The following ALK variants were observed in gnomAD, a reference collection of about 807,000 sequenced individuals.
The protein encoded by ALK is ALK receptor tyrosine kinase, also known as ALK tyrosine kinase receptor.
ALK carries 74 observed loss-of-function variants against 163.1 expected under a neutral mutation model. The observed-to-expected ratio is 0.45, with a 90% confidence interval of 0.38 to 0.55. ALK has a LOEUF of 0.55. Among genes scored for constraint, ALK ranks in the 20% least tolerant of loss-of-function variants. ALK has a pLI of 0.00. For missense variants in ALK, 2,063 were observed against 2,105.3 expected, an observed-to-expected ratio of 0.98 and a Z score of 0.39; for synonymous variants, 960 against 843.2, an observed-to-expected ratio of 1.14 and a Z score of -2.40.
At chr2:29,734,736 TA>T in intron 1 of ALK, among the ~76,000 whole-genome samples, 1 of 151,900 alleles carries the variant, frequency 6.6e-6, no homozygotes, top group Non-Finnish European at 1.5e-5. Flanking sequence ...AGTAATCAAA[TA>T]AAAGAAAATT....
At chr2:29,406,522 G>A (rs1669588040) in intron 4 of ALK, among the ~76,000 whole-genome samples, 3 of 152,138 alleles carry the variant, frequency 2.0e-5, no homozygotes, top group African/African-American at 7.2e-5. Flanking sequence ...AATAGAAGCT[G>A]ACCGATTGCT....
At position 29,246,038 on chromosome 2, in the gene ALK, A is replaced by G. The variant is rs1160580823; in HGVS notation, c.2204+5067T>C. 1.3e-5 allele frequency among the ~76,000 whole-genome samples: 2 copies of G among 152,198 alleles called. No individual in the cohort carries two copies. The highest frequency in any genetic ancestry group is 4.8e-5 in the African/African-American group (2 of 41,434). ...TGGGACCTGGGGCCTCTTGTCCATT[A>G]TGTCTGAAGAGCAGGTGAGCTGTGG... On this transcript the variant is annotated intron_variant, in intron 12 of 28. Transcript: ENST00000389048. This position sits in a 1 kb window ranked among gnomAD's most constrained non-coding sequence, Gnocchi z 4.3.
In ALK at chr2:29,749,720, A is replaced by T. The variant is rs577940826; in HGVS notation, c.668-32023T>A. On this transcript the variant is annotated intron_variant, in intron 1 of 28. Coordinates refer to ENST00000389048, the MANE Select transcript of ALK (RefSeq NM_004304.5). ...TCCAACCCCCTGAGCCCAGCCATTT[A>T]TTAGCCCACATAAGGCAACTTCAGT... is the stretch of plus-strand genomic sequence containing the variant. Among the ~76,000 whole-genome samples, 9 of 152,276 alleles carry T rather than the reference A, an allele frequency of 5.9e-5. 1 individual carries two copies. Among genetic ancestry groups the T allele is most frequent in the Admixed American group, 5.2e-4 (8 of 15,304 alleles).
In ALK at chr2:29,852,277, C is replaced by A. The variant is rs183057304; in HGVS notation, c.667+67716G>T. On this transcript the variant is annotated intron_variant, in intron 1 of 28. Coordinates refer to ENST00000389048, the MANE Select transcript of ALK (RefSeq NM_004304.5). ...TGGCAGCCTTCCCCCAGGTGACAAT[C>A]AGACAGCAGACAATGGGAGGTATAA... Among the ~76,000 whole-genome samples the A allele has an allele frequency of 1.3e-3, 197 of 152,282 alleles. 1 individual carries two copies. The highest frequency in any genetic ancestry group is 4.5e-3 in the African/African-American group (188 of 41,566).
intron 8 of ALK, among the ~76,000 whole-genome samples, chr2:29,315,785 G>A (rs1365711277): frequency 1.3e-5 from 2 of 152,188 alleles, no homozygotes; most frequent in Non-Finnish European, 2.9e-5. Context: ...ACTGATGATT[G>A]TGGTGTCTTG....
At chr2:29,438,451 C>T (rs1670457301) in intron 4 of ALK, among the ~76,000 whole-genome samples, 1 of 152,162 alleles carries the variant, frequency 6.6e-6, no homozygotes, top group Non-Finnish European at 1.5e-5. Flanking sequence ...TAGCAGGCAC[C>T]ATGACATAGG....
At chr2:29,500,802 C>T (rs534510114) in intron 4 of ALK, among the ~76,000 whole-genome samples, 14 of 152,312 alleles carry the variant, frequency 9.2e-5, no homozygotes, top group East Asian at 7.7e-4. Flanking sequence ...GAGCCCAATG[C>T]TGCCATTTCT....
At chr2:29,551,711 T>C (rs1313197132) in intron 3 of ALK, among the ~76,000 whole-genome samples, 3 of 152,138 alleles carry the variant, frequency 2.0e-5, no homozygotes, top group Non-Finnish European at 4.4e-5. Context: ...CTAATAAATA[T>C]ATGACTCTAC....
At chr2:29,822,940 G>T (rs1469087714) in intron 1 of ALK, among the ~76,000 whole-genome samples, 1 of 152,178 alleles carries the variant, frequency 6.6e-6, no homozygotes, top group Non-Finnish European at 1.5e-5. Context: ...ATAATAGAAA[G>T]ATACTGTTCC....
At chr2:29,882,276 G>C (rs999035147) in intron 1 of ALK, among the ~76,000 whole-genome samples, 1 of 151,988 alleles carries the variant, frequency 6.6e-6, no homozygotes, top group Admixed American at 6.5e-5. Context: ...AAGAAACCAA[G>C]CCACAAATTG....
chr2:29,317,257 C>T (rs775852760), intron 8 of ALK, among the ~76,000 whole-genome samples: 2 of 152,198 alleles, frequency 1.3e-5, no homozygotes, highest in Non-Finnish European at 1.5e-5. Flanking sequence ...CATAGCTATT[C>T]CTGAAACTGA....
intron 1 of ALK, among the ~76,000 whole-genome samples, chr2:29,780,681 A>T (rs1183042674): frequency 6.6e-6 from 1 of 152,198 alleles, no homozygotes; most frequent in East Asian, 1.9e-4. Context: ...TTGACGGGCT[A>T]CGTTAGCACA....
At chr2:29,492,601 T>G (rs1356143325) in intron 4 of ALK, among the ~76,000 whole-genome samples, 2 of 152,174 alleles carry the variant, frequency 1.3e-5, no homozygotes, top group African/African-American at 4.8e-5. Flanking sequence ...TTTGATGACT[T>G]CAGTTTGGTC....
chr2:29,592,124 C>G (rs1006205047), intron 3 of ALK, among the ~76,000 whole-genome samples: 2 of 152,004 alleles, frequency 1.3e-5, no homozygotes, highest in Non-Finnish European at 2.9e-5. Context: ...GTGGCAGGAC[C>G]CTGAGTCGCC....
chr2:29,492,115 AG>A (rs1240328672), intron 4 of ALK, among the ~76,000 whole-genome samples: 1 of 152,184 alleles, frequency 6.6e-6, no homozygotes, highest in Non-Finnish European at 1.5e-5. Flanking sequence ...TCTGGCTCAA[AG>A]AATATGCCAT....
At chr2:29,715,396 T>G (rs1679218964) in intron 2 of ALK, among the ~76,000 whole-genome samples, 1 of 152,174 alleles carries the variant, frequency 6.6e-6, no homozygotes, top group African/African-American at 2.4e-5. Flanking sequence ...AAAGAGATCT[T>G]GAAAAACCTC....
At chr2:29,751,391 A>C (rs988885408) in intron 1 of ALK, among the ~76,000 whole-genome samples, 5 of 152,176 alleles carry the variant, frequency 3.3e-5, no homozygotes, top group African/African-American at 4.8e-5. Flanking sequence ...AAAGCTTATG[A>C]GACCGCTGAT....
At chr2:29,339,383 C>G (rs1667724396) in intron 5 of ALK, among the ~76,000 whole-genome samples, 1 of 152,068 alleles carries the variant, frequency 6.6e-6, no homozygotes, top group Non-Finnish European at 1.5e-5. Context: ...TGTTCCTGAT[C>G]TAGAAGCAGA....
At chr2:29,291,102 C>T (rs1666010260) in intron 9 of ALK, among the ~76,000 whole-genome samples, 1 of 152,186 alleles carries the variant, frequency 6.6e-6, no homozygotes, top group Non-Finnish European at 1.5e-5. Flanking sequence ...ATGGCTCCTG[C>T]CTGTTATCCC....
Sources: allele counts gnomAD v4.1 joint callset (sites outside exome capture counted in the v4.1 genomes callset), GRCh38; gene constraint gnomAD v4.1.1; non-coding constraint Gnocchi (gnomAD v3.1); transcripts MANE v1.5; gene names NCBI Gene and HGNC (gene_info 2026-07-23, HGNC 2026-07-21).